Variants in KIRREL3 observed in about 807,000 individuals in gnomAD.
The protein encoded by KIRREL3 is kirre like nephrin family adhesion molecule 3, also known as kin of IRRE-like protein 3.
A neutral mutation model predicts 89.7 loss-of-function variants in KIRREL3; 36 were observed. The observed-to-expected ratio is 0.40, with a 90% CI of 0.31 to 0.53. The LOEUF (loss-of-function observed/expected upper bound fraction) is 0.53. Among genes scored for constraint, KIRREL3 ranks in the 20% least tolerant of loss-of-function variants. The pLI is 0.49. For missense variants in KIRREL3, 864 were observed against 1,056.6 expected (o/e 0.82, Z 2.53); for synonymous variants, 445 against 441.4 (o/e 1.01, Z -0.10).
In KIRREL3 at chr11:126,666,379, G is replaced by A. The variant is rs1945665582; in HGVS notation, c.56-103467C>T. Among the ~76,000 whole-genome samples the A allele has an allele frequency of 6.6e-6, 1 of 152,160 alleles. No individual in the cohort carries two copies. Among genetic ancestry groups the A allele is most frequent in the Admixed American group, 6.5e-5 (1 of 15,278 alleles). On this transcript the variant is annotated intron_variant, in intron 1 of 16. Coordinates refer to ENST00000525144, the MANE Select transcript of KIRREL3 (RefSeq NM_032531.4). The surrounding 1 kb of genome is among the most constrained non-coding windows in gnomAD (Gnocchi z 4.2). The stretch of plus-strand genomic sequence containing the variant: ...CAGGGAAAGGGGAGAAAGAAAAAGT[G>A]GGGGTAATCCACCAACTGTCTAACC...
intron 1 of KIRREL3, among the ~76,000 whole-genome samples, chr11:126,949,744 G>A (rs937626479): frequency 3.9e-5 from 6 of 152,304 alleles, no homozygotes; most frequent in African/African-American, 1.2e-4. Flanking sequence ...GTCACCAACT[G>A]ACTCAGTGTA....
In KIRREL3 at chr11:126,498,988, G is replaced by T. The variant is rs1426074410; in HGVS notation, c.433+22327C>A. 6.6e-6 allele frequency among the ~76,000 whole-genome samples: 1 copy of T among 152,050 alleles called. No individual in the cohort carries two copies. The highest frequency in any genetic ancestry group is 1.5e-5 in the Non-Finnish European group (1 of 68,002). ...GAGACCAGCTTGGGCAACATGGCCA[G>T]CATTTAATGCAAAAATTAGCCAGGT... On this transcript the variant is annotated intron_variant, in intron 4 of 16. Transcript: ENST00000525144. The surrounding 1 kb of genome is among the most constrained non-coding windows in gnomAD (Gnocchi z 4.3).
rs77138136 is a variant in KIRREL3, at chr11:126,872,530, A to T, written c.55+127925T>A. 6.9e-4 allele frequency among the ~76,000 whole-genome samples: 105 copies of T among 152,040 alleles called. No homozygotes were observed. The highest frequency in any genetic ancestry group is 1.3e-3 in the Non-Finnish European group (86 of 67,998). On this transcript the variant is annotated intron_variant, in intron 1 of 16. Transcript: ENST00000525144. The surrounding 1 kb of genome is among the most constrained non-coding windows in gnomAD (Gnocchi z 4.2). ...GATTATTTCCTGGGTGAAGCCAAGAACCCTCCCGGACTAAGCCCCAATTTG... is the reference window on the plus strand; with the variant it reads ...GATTATTTCCTGGGTGAAGCCAAGATCCCTCCCGGACTAAGCCCCAATTTG...
In KIRREL3 at chr11:126,814,774, T is replaced by C. The variant is rs1333723507; in HGVS notation, c.55+185681A>G. 6.6e-6 allele frequency among the ~76,000 whole-genome samples: 1 copy of C among 151,868 alleles called. No individual in the cohort carries two copies. Among genetic ancestry groups the C allele is most frequent in the Admixed American group, 6.6e-5 (1 of 15,252 alleles). ...CACACACTGGGACCTGATGGGGGTGTGGGTTGGGGGAGGGAGAGCACTAGG... is the reference window on the plus strand; with the variant it reads ...CACACACTGGGACCTGATGGGGGTGCGGGTTGGGGGAGGGAGAGCACTAGG... On this transcript the variant is annotated intron_variant, in intron 1 of 16. Coordinates refer to ENST00000525144, the MANE Select transcript of KIRREL3 (RefSeq NM_032531.4). This position sits in a 1 kb window ranked among gnomAD's most constrained non-coding sequence, Gnocchi z 4.4.
At position 126,896,170 on chromosome 11, in the gene KIRREL3, G is replaced by T. The variant is rs955616580; in HGVS notation, c.55+104285C>A. Among the ~76,000 whole-genome samples, 3 of 152,204 alleles carry T rather than the reference G, an allele frequency of 2.0e-5. No homozygotes were observed. Among genetic ancestry groups the T allele is most frequent in the African/African-American group, 7.2e-5 (3 of 41,446 alleles). ...AAATAAAAAGCTGGACCTGTTAAAG[G>T]CAAGGCCTTCATTAGTCAGAGAGAA... On this transcript the variant is annotated intron_variant, in intron 1 of 16. Transcript: ENST00000525144. This position sits in a 1 kb window ranked among gnomAD's most constrained non-coding sequence, Gnocchi z 4.1.
chr11:126,450,181 ATG>A (rs778665558), intron 7 of KIRREL3, among the ~76,000 whole-genome samples: 17 of 152,198 alleles, frequency 1.1e-4, no homozygotes, highest in Non-Finnish European at 2.2e-4. Context: ...ATACACATGT[ATG>A]TGTGTGCATG....
chr11:126,888,002 C>T (rs115390654), intron 1 of KIRREL3, among the ~76,000 whole-genome samples: 1,983 of 152,246 alleles, frequency 0.013, 46 homozygotes, highest in African/African-American at 0.045. Context: ...TTAATGTGGA[C>T]ATCAATTCCT....
intron 4 of KIRREL3, among the ~76,000 whole-genome samples, chr11:126,478,571 ATG>A (rs998013165): frequency 6.6e-6 from 1 of 151,510 alleles, no homozygotes; most frequent in East Asian, 1.9e-4. Flanking sequence ...ATGTGTATAT[ATG>A]TGTGTACACG....
chr11:126,535,103 G>C lies in KIRREL3; in HGVS notation c.134-8416C>G, dbSNP rs1004244429. ...TTGGGGGCTCTGGTTATGGGGCAGAGCTGGGAGCAGGCAGATGGCATCCTC... is the reference window on the plus strand; with the variant it reads ...TTGGGGGCTCTGGTTATGGGGCAGACCTGGGAGCAGGCAGATGGCATCCTC... On this transcript the variant is annotated intron_variant, in intron 2 of 16. Coordinates refer to ENST00000525144, the MANE Select transcript of KIRREL3 (RefSeq NM_032531.4). This position sits in a 1 kb window ranked among gnomAD's most constrained non-coding sequence, Gnocchi z 4.5. 1.3e-5 allele frequency among the ~76,000 whole-genome samples: 2 copies of C among 152,060 alleles called. No homozygotes were observed. Among genetic ancestry groups the C allele is most frequent in the Non-Finnish European group, 2.9e-5 (2 of 68,024 alleles).
At chr11:126,468,901 G>A (rs140900736) in intron 5 of KIRREL3, among the ~76,000 whole-genome samples, 24 of 152,324 alleles carry the variant, frequency 1.6e-4, no homozygotes, top group African/African-American at 5.1e-4. Context: ...GTTTGAGCTA[G>A]GCCTTCAGAA....
chr11:126,981,467 G>A lies in KIRREL3; in HGVS notation c.55+18988C>T, dbSNP rs1949715453. ...GTGGTGTAGCTTAGGATTCCAGGCA[G>A]AAGACAGTCCAGTACCTTCCTAAGT... On this transcript the variant is annotated intron_variant, in intron 1 of 16. Coordinates refer to ENST00000525144, the MANE Select transcript of KIRREL3 (RefSeq NM_032531.4). This position sits in a 1 kb window ranked among gnomAD's most constrained non-coding sequence, Gnocchi z 4.2. Among the ~76,000 whole-genome samples the A allele has an allele frequency of 1.3e-5, 2 of 152,190 alleles. No individual in the cohort carries two copies. Among genetic ancestry groups the A allele is most frequent in the Admixed American group, 1.3e-4 (2 of 15,280 alleles).
chr11:126,616,693 G>T (rs1408839175), intron 1 of KIRREL3, among the ~76,000 whole-genome samples: 1 of 152,200 alleles, frequency 6.6e-6, no homozygotes, highest in African/African-American at 2.4e-5. Flanking sequence ...CCAGGTTGAG[G>T]TTTCATGGTA....
At chr11:126,500,568 C>T (rs1043611286) in intron 4 of KIRREL3, among the ~76,000 whole-genome samples, 10 of 152,036 alleles carry the variant, frequency 6.6e-5, no homozygotes, top group Non-Finnish European at 8.8e-5. Context: ...GGTGAAACCC[C>T]GTCTCTACAA....
intron 1 of KIRREL3, among the ~76,000 whole-genome samples, chr11:126,767,149 T>C (rs1484752035): frequency 6.6e-6 from 1 of 152,222 alleles, no homozygotes; most frequent in Non-Finnish European, 1.5e-5. Context: ...AAAGGACCAG[T>C]AGTTTACACT....
chr11:126,932,607 C>T (rs1227018970), intron 1 of KIRREL3, among the ~76,000 whole-genome samples: 4 of 152,200 alleles, frequency 2.6e-5, no homozygotes, highest in African/African-American at 9.6e-5. Flanking sequence ...ACGGTCCCTG[C>T]TACAGCCACC....
chr11:126,646,424 A>T (rs889896239), intron 1 of KIRREL3, among the ~76,000 whole-genome samples: 3 of 151,536 alleles, frequency 2.0e-5, no homozygotes, highest in Non-Finnish European at 4.4e-5. Context: ...CTCTTGTCTA[A>T]TTGCAAAATC....
rs1948623220 is a variant in KIRREL3 at position 126,946,482 on chromosome 11, C to G, written c.55+53973G>C. On this transcript the variant is annotated intron_variant, in intron 1 of 16. Coordinates refer to ENST00000525144, the MANE Select transcript of KIRREL3 (RefSeq NM_032531.4). This position sits in a 1 kb window ranked among gnomAD's most constrained non-coding sequence, Gnocchi z 4.1. ...TTGAAAAAGGACTAATACAAATGCC[C>G]ATAAAATCTACAGACTAGACTAGAT... Among the ~76,000 whole-genome samples, 2 of 152,156 alleles carry G rather than the reference C, an allele frequency of 1.3e-5. No individual in the cohort carries two copies. Among genetic ancestry groups the G allele is most frequent in the Admixed American group, 1.3e-4 (2 of 15,278 alleles).
intron 1 of KIRREL3, among the ~76,000 whole-genome samples, chr11:126,751,865 CTTGT>C (rs1402333980): frequency 2.0e-5 from 3 of 152,040 alleles, no homozygotes. Context: ...GAGTTTATTT[CTTGT>C]TTATTTTTAT....
chr11:126,509,760 C>T (rs954000156), intron 4 of KIRREL3, among the ~76,000 whole-genome samples: 2 of 152,120 alleles, frequency 1.3e-5, no homozygotes, highest in Non-Finnish European at 2.9e-5. Flanking sequence ...CTTTGGGAGG[C>T]CAAGGCGGGG....
Sources: gnomAD v4.1 joint callset for allele counts (sites outside exome capture counted in the v4.1 genomes callset) on GRCh38, gnomAD v4.1.1 for gene constraint, Gnocchi (gnomAD v3.1) non-coding constraint, MANE v1.5 for transcripts, NCBI Gene and HGNC (gene_info 2026-07-23, HGNC 2026-07-21) for gene names.